The following ADAMTSL1 variants were observed in gnomAD, a reference collection of about 807,000 sequenced individuals.
The protein encoded by ADAMTSL1 is ADAMTS like 1.
Under a neutral mutation model 201.8 loss-of-function variants are expected in ADAMTSL1, and 126 were observed. The observed-to-expected ratio is 0.62, with a 90% CI of 0.54 to 0.72. The LOEUF (loss-of-function observed/expected upper bound fraction) is 0.72, where lower values mean the gene tolerates loss of function less well. Ranked by LOEUF, ADAMTSL1 falls within the 30% of genes least tolerant of loss-of-function variation. The pLI is 0.00. For synonymous variants in ADAMTSL1, 1,121 were observed against 903.4 expected, an observed-to-expected ratio of 1.24 and a Z score of -4.32; for missense variants, 2,679 against 2,277.8, an observed-to-expected ratio of 1.18 and a Z score of -3.59.
chr9:18,754,380 T>A (rs1819626833), intron 16 of ADAMTSL1, among the ~76,000 whole-genome samples: 1 of 152,228 alleles, frequency 6.6e-6, no homozygotes, highest in Admixed American at 6.5e-5. Flanking sequence ...TTGCATACAA[T>A]CTTATTTTGC....
At chr9:18,503,380 T>C (rs1326581686) in intron 1 of ADAMTSL1, among the ~76,000 whole-genome samples, 1 of 141,040 alleles carries the variant, frequency 7.1e-6, no homozygotes, top group Non-Finnish European at 1.6e-5. Context: ...AACCTGCATC[T>C]AAATTTTCTT....
At chr9:18,841,539 A>T (rs1201109362) in intron 23 of ADAMTSL1, among the ~76,000 whole-genome samples, 1 of 152,146 alleles carries the variant, frequency 6.6e-6, no homozygotes, top group East Asian at 1.9e-4. Context: ...TATCAGGATG[A>T]TGCTGGCCTC....
At chr9:18,791,827 G>C (rs974118766) in intron 19 of ADAMTSL1, among the ~76,000 whole-genome samples, 1 of 152,026 alleles carries the variant, frequency 6.6e-6, no homozygotes, top group Admixed American at 6.6e-5. Context: ...TTCCATTGCC[G>C]CTACTCCTAT....
chr9:18,488,749 C>T (rs531733932), intron 1 of ADAMTSL1, among the ~76,000 whole-genome samples: 2 of 152,314 alleles, frequency 1.3e-5, no homozygotes, highest in Admixed American at 6.5e-5. Context: ...AATTTCCCTA[C>T]CTCATTCCAG....
chr9:18,212,214 G>A (rs1449276696), intron 2 of ADAMTSL1, among the ~76,000 whole-genome samples: 1 of 152,098 alleles, frequency 6.6e-6, no homozygotes, highest in Non-Finnish European at 1.5e-5. Context: ...TGGTCCCCTT[G>A]AAGAAGACTG....
intron 2 of ADAMTSL1, among the ~76,000 whole-genome samples, chr9:18,189,798 T>C (rs929395665): frequency 6.6e-6 from 1 of 152,200 alleles, no homozygotes; most frequent in Non-Finnish European, 1.5e-5. Context: ...CTCAAGTTTC[T>C]TTCTTTTATG....
At chr9:18,266,673 A>G (rs1832128923) in intron 2 of ADAMTSL1, among the ~76,000 whole-genome samples, 1 of 152,142 alleles carries the variant, frequency 6.6e-6, no homozygotes, top group African/African-American at 2.4e-5. Flanking sequence ...GCGTGGTTCC[A>G]TGGTCCTCAT....
intron 4 of ADAMTSL1, among the ~76,000 whole-genome samples, chr9:18,586,697 A>G (rs542167367): frequency 5.3e-5 from 8 of 152,272 alleles, no homozygotes; most frequent in African/African-American, 1.9e-4. Flanking sequence ...TTCAAACTAT[A>G]GTACAGGACT....
At chr9:18,459,334 T>A (rs1366117710) in intron 2 of ADAMTSL1, among the ~76,000 whole-genome samples, 1 of 152,314 alleles carries the variant, frequency 6.6e-6, no homozygotes, top group East Asian at 1.9e-4. Context: ...TCAGACTTTA[T>A]TGGTGTTTTA....
intron 15 of ADAMTSL1, among the ~76,000 whole-genome samples, chr9:18,740,270 C>T (rs536646321): frequency 6.6e-6 from 1 of 152,134 alleles, no homozygotes; most frequent in African/African-American, 2.4e-5. Context: ...ATCTATGAGG[C>T]TGTGAGCTTG....
At chr9:18,540,923 G>T (rs1288299158) in intron 3 of ADAMTSL1, among the ~76,000 whole-genome samples, 3 of 152,214 alleles carry the variant, frequency 2.0e-5, no homozygotes, top group East Asian at 3.9e-4. Flanking sequence ...GCTTCACCCT[G>T]CCACAGACGC....
chr9:18,820,503 C>T lies in ADAMTSL1; in HGVS notation c.3934+3266C>T, dbSNP rs550271066. On this transcript the variant is annotated intron_variant, in intron 21 of 28. Transcript: ENST00000380548. ...CCACAGCTGACATTTTATTAATTTCCTTAATGATTCCCTTTTATCCTGCTT... is the reference window on the plus strand; with the variant it reads ...CCACAGCTGACATTTTATTAATTTCTTTAATGATTCCCTTTTATCCTGCTT... Among the ~76,000 whole-genome samples the T allele has an allele frequency of 1.2e-3, 186 of 152,270 alleles. 1 individual carries two copies. Among genetic ancestry groups the T allele is most frequent in the African/African-American group, 4.2e-3 (175 of 41,570 alleles).
intron 7 of ADAMTSL1, among the ~76,000 whole-genome samples, chr9:18,639,986 A>G (rs1469289720): frequency 1.3e-5 from 2 of 152,164 alleles, no homozygotes; most frequent in Admixed American, 6.6e-5. Flanking sequence ...AAAATAAAAC[A>G]TATTTTTTCC....
rs772034324 is a variant in ADAMTSL1, at chr9:18,366,627, A to AT, written c.208-138162dup. 1.2e-3 allele frequency among the ~76,000 whole-genome samples: 130 copies of AT among 112,812 alleles called. 7 individuals are homozygous for AT. The highest frequency in any genetic ancestry group is 2.8e-3 in the African/African-American group (81 of 29,082). 74.0% of individuals were successfully genotyped at this position (112,812 alleles called of 152,430 possible). The stretch of plus-strand genomic sequence containing the variant: ...ATGGATAGTGCCTCTGAAATCACTA[A>AT]TTTTTTTTTTTTTTTTTTTTTTTTT... On this transcript the variant is annotated intron_variant, in intron 2 of 29. Coordinates refer to the ADAMTSL1 transcript ENST00000680146.
At chr9:18,829,614 C>T (rs1419072177) in intron 22 of ADAMTSL1, among the ~76,000 whole-genome samples, 2 of 152,158 alleles carry the variant, frequency 1.3e-5, no homozygotes, top group Non-Finnish European at 2.9e-5. Flanking sequence ...CCTGCTTCTT[C>T]TTACTGACCT....
At chr9:18,591,235 A>T (rs1186469601) in intron 4 of ADAMTSL1, among the ~76,000 whole-genome samples, 1 of 152,136 alleles carries the variant, frequency 6.6e-6, no homozygotes. Context: ...CTATTGTTAC[A>T]TCCTCTTGCT....
rs183787362 is a variant in ADAMTSL1 at position 18,153,060 on chromosome 9, G to A, written c.88-10802G>A. ...TCAGCATGAAGTAGAAAAAAAAGCC[G>A]TCATATATTTTGTTTCCTACACTGT... is the stretch of plus-strand genomic sequence containing the variant. On this transcript the variant is annotated intron_variant, in intron 1 of 29. Transcript: ENST00000680146. Among the ~76,000 whole-genome samples the A allele has an allele frequency of 1.9e-4, 29 of 151,954 alleles. 1 individual carries two copies. The highest frequency in any genetic ancestry group is 5.3e-4 in the African/African-American group (22 of 41,454).
intron 1 of ADAMTSL1, among the ~76,000 whole-genome samples, chr9:18,475,183 A>G (rs1004254491): frequency 5.3e-5 from 8 of 152,204 alleles, no homozygotes; most frequent in African/African-American, 1.9e-4. Flanking sequence ...ACTGATCCAA[A>G]CAAATGTGAT....
intron 2 of ADAMTSL1, among the ~76,000 whole-genome samples, chr9:18,522,103 G>C (rs765344282): frequency 5.9e-5 from 9 of 152,094 alleles, no homozygotes; most frequent in Non-Finnish European, 1.3e-4. Context: ...TTTCCTGAAA[G>C]AAACTCTTAC....
Sources: gnomAD v4.1 joint callset for allele counts (sites outside exome capture counted in the v4.1 genomes callset) on GRCh38, gnomAD v4.1.1 for gene constraint, MANE v1.5 for transcripts, NCBI Gene and HGNC (gene_info 2026-07-23, HGNC 2026-07-21) for gene names.